Variants in CCSER2 observed in about 807,000 individuals in gnomAD.
The protein encoded by CCSER2 is coiled-coil serine rich protein 2.
In CCSER2, 46 loss-of-function variants were observed where a neutral mutation model predicts 92.3. The ratio of observed to expected loss-of-function variants is 0.50; its 90% CI spans 0.39 to 0.64. The LOEUF (loss-of-function observed/expected upper bound fraction) is 0.64, where lower values mean the gene tolerates loss of function less well. Among genes scored for constraint, CCSER2 ranks in the 30% least tolerant of loss-of-function variants. The pLI, the probability that CCSER2 is intolerant of heterozygous loss-of-function variation, is 0.00. For synonymous variants in CCSER2, 433 were observed against 431.4 expected, an observed-to-expected ratio of 1.00 and a Z score of -0.04; for missense variants, 1,244 against 1,238.9, an observed-to-expected ratio of 1.00 and a Z score of -0.06.
intron 1 of CCSER2, among the ~76,000 whole-genome samples, chr10:84,356,573 C>G (rs1845183493): frequency 6.6e-6 from 1 of 151,772 alleles, no homozygotes; most frequent in South Asian, 2.1e-4. Flanking sequence ...GTTCCTTCTT[C>G]AAAAAAATGA....
At chr10:84,332,410 T>TATATATA (rs1564571510) in intron 1 of CCSER2, among the ~76,000 whole-genome samples, 1 of 109,906 alleles carries the variant, frequency 9.1e-6, no homozygotes, top group African/African-American at 4.7e-5. Flanking sequence ...AAATTTATTT[T>TATATATA]TTTATATATA....
chr10:84,504,690 A>G (rs1449994679), intron 9 of CCSER2, among the ~76,000 whole-genome samples: 4 of 152,230 alleles, frequency 2.6e-5, no homozygotes, highest in African/African-American at 9.6e-5. Flanking sequence ...ATTTTAAGAA[A>G]GGGGAAAAGA....
At chr10:84,445,364 AG>A (rs939342986) in intron 6 of CCSER2, among the ~76,000 whole-genome samples, 6 of 152,318 alleles carry the variant, frequency 3.9e-5, no homozygotes, top group African/African-American at 1.4e-4. Context: ...CATGTTAGCC[AG>A]GATGACCTCG....
chr10:84,365,427 C>T (rs1845728656), intron 1 of CCSER2, among the ~76,000 whole-genome samples: 1 of 152,126 alleles, frequency 6.6e-6, no homozygotes, highest in East Asian at 1.9e-4. Context: ...GATGGTAGCT[C>T]ATCAACGAAT....
At chr10:84,478,758 G>A (rs1052229557) in intron 9 of CCSER2, among the ~76,000 whole-genome samples, 1 of 152,216 alleles carries the variant, frequency 6.6e-6, no homozygotes, top group Non-Finnish European at 1.5e-5. Context: ...TTAAAGTGCT[G>A]TGTAAGTCTA....
chr10:84,479,303 G>T (rs1171460288), intron 9 of CCSER2, among the ~76,000 whole-genome samples: 2 of 152,220 alleles, frequency 1.3e-5, no homozygotes, highest in Non-Finnish European at 2.9e-5. Flanking sequence ...TTAATAAGTG[G>T]CTGAGCTAGT....
intron 6 of CCSER2, among the ~76,000 whole-genome samples, chr10:84,444,302 A>T (rs34191776): frequency 0.059 from 8,942 of 152,140 alleles, 368 homozygotes; most frequent in Admixed American, 0.1. Flanking sequence ...TTATTTTTTT[A>T]AAAAAATTAC....
intron 1 of CCSER2, among the ~76,000 whole-genome samples, chr10:84,337,353 CA>C (rs1365416510): frequency 6.6e-6 from 1 of 152,124 alleles, no homozygotes; most frequent in Admixed American, 6.6e-5. Flanking sequence ...TCAGTGAAGC[CA>C]AGTGAAATGT....
intron 3 of CCSER2, among the ~76,000 whole-genome samples, chr10:84,409,920 C>G (rs1842566065): frequency 6.6e-6 from 1 of 152,176 alleles, no homozygotes; most frequent in Admixed American, 6.5e-5. Flanking sequence ...CCTCCCACCC[C>G]CTGCCCTCTG....
At chr10:84,393,587 A>G (rs1183087463) in intron 3 of CCSER2, among the ~76,000 whole-genome samples, 3 of 152,172 alleles carry the variant, frequency 2.0e-5, no homozygotes, top group Admixed American at 1.3e-4. Flanking sequence ...ATGTATGCAC[A>G]TAGGTTGCAA....
At chr10:84,496,531 C>A (rs562636915) in intron 9 of CCSER2, among the ~76,000 whole-genome samples, 2 of 151,736 alleles carry the variant, frequency 1.3e-5, no homozygotes, top group African/African-American at 4.8e-5. Flanking sequence ...GTGATCTGCC[C>A]GCCTCGGCCT....
intron 9 of CCSER2, among the ~76,000 whole-genome samples, chr10:84,504,239 G>C (rs184444138): frequency 6.6e-6 from 1 of 151,264 alleles, no homozygotes; most frequent in Admixed American, 6.6e-5. Flanking sequence ...AAATATGAAG[G>C]CTAAGAAGTG....
chr10:84,492,127 ATAT>A (rs1331919510), intron 9 of CCSER2, among the ~76,000 whole-genome samples: 1 of 151,966 alleles, frequency 6.6e-6, no homozygotes, highest in Non-Finnish European at 1.5e-5. Context: ...AAAATACAAA[ATAT>A]TATCCAGGCA....
At chr10:84,410,369 A>G (rs748314237) in intron 3 of CCSER2, among the ~76,000 whole-genome samples, 6 of 152,222 alleles carry the variant, frequency 3.9e-5, no homozygotes, top group African/African-American at 7.2e-5. Context: ...GAACTAATTT[A>G]TACTTCCACC....
chr10:84,455,498 A>C, intron 6 of CCSER2: 1 of 305,672 alleles, frequency 3.3e-6, no homozygotes, highest in Non-Finnish European at 6.3e-6. Flanking sequence ...CTGGTCTCAA[A>C]CTCCTGACCT....
intron 6 of CCSER2, among the ~76,000 whole-genome samples, chr10:84,451,266 TG>T (rs1393515916): frequency 2.0e-5 from 3 of 150,348 alleles, no homozygotes; most frequent in African/African-American, 4.9e-5. Context: ...TTTTTTTTTT[TG>T]TTTTTTGTTT....
intron 3 of CCSER2, among the ~76,000 whole-genome samples, chr10:84,401,542 GA>G (rs530383729): frequency 6.6e-6 from 1 of 151,156 alleles, no homozygotes; most frequent in East Asian, 1.9e-4. Context: ...TTACTCTGTG[GA>G]AAAAAAAATT....
rs778852009 is a variant in CCSER2, at chr10:84,513,669, T to C, written c.2546T>C (p.Met849Thr). Residue 849 changes from methionine (M) to threonine (T), a missense_variant, in exon 10 of 10, where the codon ATG becomes ACG. Physicochemically the swap from Met to Thr is moderately conservative, Grantham distance 81 (BLOSUM62 -1). Transcript: ENST00000372088. ...QPFSSGPQLT[M>T]DVAKSTPSEA... is the part of the protein sequence containing the mutation. ...TTTTCATCAGGCCCACAATTAACAA[T>C]GGATGTGGCTAAGAGTACACCTTCT... 2 of 1,560,854 alleles carry C rather than the reference T, an allele frequency of 1.3e-6. No individual in the cohort carries two copies. Among genetic ancestry groups the C allele is most frequent in the Admixed American group, 1.9e-5 (1 of 52,082 alleles).
Position 84,425,713 on chromosome 10 carries a change from G to A in CCSER2, c.1706-18G>A, listed in dbSNP as rs1843394305. On this transcript the variant is annotated intron_variant, in intron 4 of 9. Transcript: ENST00000372088. ...AGTATGTACATGTTTATAGTCTTTT[G>A]CTTTTGAATCTGTCTAGTGGAGTGT... is the stretch of plus-strand genomic sequence containing the variant. The A allele has an allele frequency of 6.4e-7, 1 of 1,560,758 alleles. No homozygotes were observed. The highest frequency in any genetic ancestry group is 1.4e-5 in the African/African-American group (1 of 73,170).
Sources: gnomAD v4.1 joint callset for allele counts (sites outside exome capture counted in the v4.1 genomes callset) on GRCh38, gnomAD v4.1.1 for gene constraint, MANE v1.5 for transcripts, NCBI Gene and HGNC (gene_info 2026-07-23, HGNC 2026-07-21) for gene names.